The following CDK14 variants were observed in gnomAD, a reference collection of about 807,000 sequenced individuals.
CDK14 encodes cyclin dependent kinase 14, also known as cyclin-dependent kinase 14.
A neutral mutation model predicts 60.7 loss-of-function variants in CDK14; 34 were observed. That is an observed-to-expected ratio of 0.56 (90% CI 0.43 to 0.75). The LOEUF (loss-of-function observed/expected upper bound fraction) is 0.75, where lower values mean the gene tolerates loss of function less well. Ranked by LOEUF, CDK14 falls within the 30% of genes least tolerant of loss-of-function variation. The pLI, the probability that CDK14 is intolerant of heterozygous loss-of-function variation, is 0.00. For missense variants in CDK14, 482 were observed against 564.1 expected (o/e 0.85, Z 1.47); for synonymous variants, 197 against 203.7 (o/e 0.97, Z 0.28).
At chr7:91,164,547 C>T (rs1005747190) in intron 14 of CDK14, among the ~76,000 whole-genome samples, 4 of 152,190 alleles carry the variant, frequency 2.6e-5, no homozygotes, top group African/African-American at 9.7e-5. Context: ...TGAAAGATGG[C>T]TCCTCCAGGT....
At chr7:90,889,652 C>A in intron 6 of CDK14, among the ~76,000 whole-genome samples, 1 of 152,254 alleles carries the variant, frequency 6.6e-6, no homozygotes, top group Middle Eastern at 3.4e-3. Context: ...ATACTGTGTA[C>A]GATAACTACT....
chr7:90,648,020 T>C (rs746511836), intron 2 of CDK14, among the ~76,000 whole-genome samples: 9 of 152,192 alleles, frequency 5.9e-5, no homozygotes, highest in Non-Finnish European at 1.3e-4. Flanking sequence ...ATGTTAGTTA[T>C]CTATTGCTGC....
intron 10 of CDK14, among the ~76,000 whole-genome samples, chr7:91,006,280 T>C (rs1795977210): frequency 6.6e-6 from 1 of 152,268 alleles, no homozygotes; most frequent in Non-Finnish European, 1.5e-5. Context: ...CAAAGGCTAC[T>C]ACCCTTCTTT....
intron 12 of CDK14, among the ~76,000 whole-genome samples, chr7:91,096,261 G>A (rs1252356566): frequency 6.6e-6 from 1 of 152,054 alleles, no homozygotes; most frequent in Non-Finnish European, 1.5e-5. Flanking sequence ...ATAAAAGATT[G>A]CATCTCCTGT....
intron 5 of CDK14, among the ~76,000 whole-genome samples, chr7:90,792,180 G>A (rs4015336): frequency 0.21 from 30,994 of 149,098 alleles, 3,330 homozygotes; most frequent in South Asian, 0.25. Flanking sequence ...GATTACAGGC[G>A]TGAGCCACTG....
chr7:90,667,243 A>G (rs1394465558), intron 2 of CDK14, among the ~76,000 whole-genome samples: 2 of 152,224 alleles, frequency 1.3e-5, no homozygotes, highest in African/African-American at 4.8e-5. Context: ...ACCAAATTAT[A>G]GCAATTCCTT....
At chr7:90,627,838 C>T (rs575957024) in intron 2 of CDK14, among the ~76,000 whole-genome samples, 3 of 152,316 alleles carry the variant, frequency 2.0e-5, no homozygotes, top group South Asian at 4.1e-4. Context: ...CAGCATTTAG[C>T]GAAATCCCTG....
intron 4 of CDK14, among the ~76,000 whole-genome samples, chr7:90,761,627 T>A (rs1439193685): frequency 1.3e-5 from 2 of 152,176 alleles, no homozygotes; most frequent in Non-Finnish European, 2.9e-5. Flanking sequence ...CTGGAGACAT[T>A]TTTGGCTTTC....
chr7:90,866,233 T>TACACACACACACACACAC (rs3038210), intron 6 of CDK14, among the ~76,000 whole-genome samples: 68 of 139,782 alleles, frequency 4.9e-4, no homozygotes, highest in Middle Eastern at 7.4e-3. Flanking sequence ...CACATACACA[T>TACACACACACACACACAC]ACACACACAC....
chr7:90,932,472 C>G (rs1056235530), intron 8 of CDK14, among the ~76,000 whole-genome samples: 4 of 152,174 alleles, frequency 2.6e-5, no homozygotes, highest in African/African-American at 7.2e-5. Context: ...CCATCTCCCC[C>G]CAGCCAGTAG....
intron 10 of CDK14, among the ~76,000 whole-genome samples, chr7:91,037,297 T>C (rs1427161560): frequency 6.6e-6 from 1 of 152,244 alleles, no homozygotes; most frequent in Non-Finnish European, 1.5e-5. Flanking sequence ...ACATCCCTTC[T>C]GTCTTCCTTC....
chr7:90,697,766 C>T (rs1380993389), intron 2 of CDK14, among the ~76,000 whole-genome samples: 1 of 151,974 alleles, frequency 6.6e-6, no homozygotes, highest in Admixed American at 6.6e-5. Context: ...GTAATTCCTT[C>T]CACTTAAAAA....
intron 8 of CDK14, among the ~76,000 whole-genome samples, chr7:90,945,486 C>T (rs575754961): frequency 1.4e-4 from 21 of 152,218 alleles, no homozygotes; most frequent in East Asian, 3.9e-4. Flanking sequence ...ACTACTCCTC[C>T]GGGGAGAATT....
intron 11 of CDK14, among the ~76,000 whole-genome samples, chr7:91,072,316 G>A (rs1163741427): frequency 6.6e-6 from 1 of 152,084 alleles, no homozygotes; most frequent in Non-Finnish European, 1.5e-5. Flanking sequence ...GAAGGAGCAG[G>A]TACCCATCTT....
intron 5 of CDK14, among the ~76,000 whole-genome samples, chr7:90,846,289 A>G (rs1419247347): frequency 2.0e-5 from 3 of 152,010 alleles, no homozygotes; most frequent in Non-Finnish European, 2.9e-5. Flanking sequence ...TCTCTCTCCT[A>G]TTTCTCCATT....
intron 2 of CDK14, among the ~76,000 whole-genome samples, chr7:90,650,620 G>C (rs1800612822): frequency 6.6e-6 from 1 of 152,240 alleles, no homozygotes; most frequent in Non-Finnish European, 1.5e-5. Context: ...AATCCATCTT[G>C]AATTAATTTT....
chr7:91,032,230 G>T (rs17163522), intron 10 of CDK14, among the ~76,000 whole-genome samples: 11,324 of 152,232 alleles, frequency 0.074, 532 homozygotes, highest in Middle Eastern at 0.23. Context: ...CTTATGAGAA[G>T]TTGTTATTCC....
rs183471298 is a variant in CDK14 at position 91,038,298 on chromosome 7, T to C, written c.1042-7599T>C. Among the ~76,000 whole-genome samples the C allele has an allele frequency of 8.6e-3, 1,307 of 152,342 alleles. 19 individuals carry two copies. The highest frequency in any genetic ancestry group is 0.029 in the African/African-American group (1,198 of 41,560). The stretch of plus-strand genomic sequence containing the variant: ...TTTACAAGGATCCTTCAGGTCTATA[T>C]AGTTAATTAAACAAATATGTAAGGA... On this transcript the variant is annotated intron_variant, in intron 10 of 14. Coordinates refer to ENST00000380050, the MANE Select transcript of CDK14 (RefSeq NM_001287135.2).
chr7:90,833,198 GTTGA>G (rs1176474521), intron 5 of CDK14, among the ~76,000 whole-genome samples: 1 of 152,108 alleles, frequency 6.6e-6, no homozygotes, highest in Non-Finnish European at 1.5e-5. Flanking sequence ...CCAACTATTA[GTTGA>G]TTGATAATTG....
Sources: allele counts gnomAD v4.1 joint callset (sites outside exome capture counted in the v4.1 genomes callset), GRCh38; gene constraint gnomAD v4.1.1; transcripts MANE v1.5; gene names NCBI Gene and HGNC (gene_info 2026-07-23, HGNC 2026-07-21).